Variants in NBEA observed in about 807,000 individuals in gnomAD.
NBEA encodes the protein lysosomal-trafficking regulator 2.
In NBEA, 44 loss-of-function variants were observed where a neutral mutation model predicts 343.4. That is an observed-to-expected ratio of 0.13 (90% CI 0.10 to 0.16). The LOEUF is 0.16. NBEA is among the 10% of genes least tolerant of loss of function. NBEA has a pLI of 1.00. For missense variants in NBEA, 2,555 were observed against 3,631.3 expected (o/e 0.70, Z 7.62); for synonymous variants, 1,175 against 1,238.7 (o/e 0.95, Z 1.08).
At chr13:35,014,750 G>C (rs1042388254) in intron 1 of NBEA, among the ~76,000 whole-genome samples, 4 of 151,880 alleles carry the variant, frequency 2.6e-5, no homozygotes, top group Non-Finnish European at 5.9e-5. Context: ...CAGACAAACA[G>C]GCCAATGTGG....
At chr13:35,547,767 T>C (rs1275265173) in intron 41 of NBEA, among the ~76,000 whole-genome samples, 4 of 152,074 alleles carry the variant, frequency 2.6e-5, no homozygotes, top group African/African-American at 9.7e-5. Flanking sequence ...CACGCATCTG[T>C]AATTCCAGCT....
intron 34 of NBEA, among the ~76,000 whole-genome samples, chr13:35,255,060 G>A (rs1031884972): frequency 2.0e-5 from 3 of 152,186 alleles, no homozygotes; most frequent in African/African-American, 7.2e-5. Context: ...TTGTTTCACA[G>A]TAATATTAGG....
chr13:35,119,411 G>C (rs1462464691), intron 16 of NBEA, among the ~76,000 whole-genome samples: 1 of 152,016 alleles, frequency 6.6e-6, no homozygotes, highest in Non-Finnish European at 1.5e-5. Context: ...TTATATCAAT[G>C]AATAACAACT....
In NBEA at chr13:35,159,179, TAGA is replaced by T; in HGVS notation, c.3012_3014del (p.Glu1004del). On this transcript the variant is annotated inframe_deletion, in exon 22 of 59. Coordinates refer to ENST00000379939, the MANE Select transcript of NBEA (RefSeq NM_001385012.1). ...AAAGGTGGAATGGAAATTCGAGAGA[TAGA>T]AGATCTTTCACAAAGCCAGAGCCCA... is the stretch of plus-strand genomic sequence containing the variant. The T allele has an allele frequency of 6.2e-7, 1 of 1,613,518 alleles. No individual in the cohort carries two copies. The highest frequency in any genetic ancestry group is 8.5e-7 in the Non-Finnish European group (1 of 1,179,616).
intron 34 of NBEA, among the ~76,000 whole-genome samples, chr13:35,265,793 G>C (rs759469481): frequency 2.0e-5 from 3 of 151,800 alleles, no homozygotes; most frequent in Non-Finnish European, 4.4e-5. Context: ...CATGACATTG[G>C]TCCAAGCAAG....
chr13:34,950,768 C>A (rs2059326116), intron 1 of NBEA, among the ~76,000 whole-genome samples: 1 of 151,896 alleles, frequency 6.6e-6, no homozygotes, highest in Non-Finnish European at 1.5e-5. Flanking sequence ...CATAAGGCAA[C>A]AGATAACATG....
chr13:35,534,598 GTGACCTC>G (rs1473221452), intron 41 of NBEA, among the ~76,000 whole-genome samples: 1 of 152,168 alleles, frequency 6.6e-6, no homozygotes, highest in African/African-American at 2.4e-5. Context: ...CTGTAGACAT[GTGACCTC>G]TGTACTTGGA....
intron 1 of NBEA, among the ~76,000 whole-genome samples, chr13:35,001,754 T>C (rs564719273): frequency 1.3e-5 from 2 of 152,204 alleles, no homozygotes; most frequent in South Asian, 4.1e-4. Context: ...AGGAGCACTG[T>C]AGGGTGACTA....
intron 36 of NBEA, among the ~76,000 whole-genome samples, chr13:35,311,717 G>A (rs561057098): frequency 1.3e-5 from 2 of 152,208 alleles, no homozygotes; most frequent in East Asian, 3.9e-4. Context: ...AGCCAGTTGT[G>A]GTGGCAGGTG....
At chr13:35,017,426 A>C (rs578144410) in intron 1 of NBEA, among the ~76,000 whole-genome samples, 9 of 152,138 alleles carry the variant, frequency 5.9e-5, no homozygotes, top group Non-Finnish European at 4.4e-5. Flanking sequence ...CTTTGTGTTC[A>C]TATAAGAAAT....
intron 17 of NBEA, among the ~76,000 whole-genome samples, chr13:35,135,280 T>A (rs1593462124): frequency 6.6e-6 from 1 of 152,158 alleles, no homozygotes; most frequent in Non-Finnish European, 1.5e-5. Flanking sequence ...AGATGTAGGT[T>A]AAAATCTGAA....
chr13:35,482,438 A>G (rs1026781238), intron 41 of NBEA, among the ~76,000 whole-genome samples: 2 of 151,562 alleles, frequency 1.3e-5, no homozygotes, highest in African/African-American at 4.8e-5. Flanking sequence ...GTACACCAAT[A>G]TGTACTATTT....
rs2153013060 is a variant in NBEA at position 35,550,950 on chromosome 13, C to T, written c.6724C>T (p.Pro2242Ser). ...ANRTSVMFNF[P>S]DQATVKKVVY... is the part of the protein sequence containing the mutation. ...CACAGCCTCAGTTATGTTTAATTTCCCTGATCAAGCAACAGTAAAAAAAGT... is the reference window on the plus strand; with the variant it reads ...CACAGCCTCAGTTATGTTTAATTTCTCTGATCAAGCAACAGTAAAAAAAGT... Residue 2242 changes from proline (P) to serine (S), a missense_variant, in exon 43 of 59, where the codon CCT becomes TCT. Coordinates refer to ENST00000379939, the MANE Select transcript of NBEA (RefSeq NM_001385012.1). The T allele has an allele frequency of 1.2e-6, 2 of 1,607,768 alleles. No homozygotes were observed. The highest frequency in any genetic ancestry group is 1.7e-6 in the Non-Finnish European group (2 of 1,175,432).
At chr13:34,995,626 A>G (rs973194918) in intron 1 of NBEA, among the ~76,000 whole-genome samples, 25 of 152,260 alleles carry the variant, frequency 1.6e-4, no homozygotes, top group Non-Finnish European at 3.1e-4. Flanking sequence ...AAAAAAAACA[A>G]CTTAATTGGT....
chr13:35,085,623 A>G (rs1327842484), intron 10 of NBEA, among the ~76,000 whole-genome samples: 1 of 152,160 alleles, frequency 6.6e-6, no homozygotes, highest in East Asian at 1.9e-4. Context: ...CACAGCCAAT[A>G]TCATACTGAA....
chr13:35,483,649 G>C (rs2076202564), intron 41 of NBEA, among the ~76,000 whole-genome samples: 1 of 151,886 alleles, frequency 6.6e-6, no homozygotes, highest in Non-Finnish European at 1.5e-5. Context: ...AGTACAACTA[G>C]TCTTTTATTT....
At chr13:35,421,205 T>G (rs2044250936) in intron 38 of NBEA, among the ~76,000 whole-genome samples, 1 of 152,060 alleles carries the variant, frequency 6.6e-6, no homozygotes, top group Admixed American at 6.6e-5. Flanking sequence ...CAGTTCTGTA[T>G]TCTTTTGGTT....
intron 1 of NBEA, among the ~76,000 whole-genome samples, chr13:35,033,715 T>G (rs951360093): frequency 1.3e-5 from 2 of 151,930 alleles, no homozygotes; most frequent in African/African-American, 4.8e-5. Flanking sequence ...ATAGAGATCT[T>G]TCACTTCTTG....
intron 24 of NBEA, among the ~76,000 whole-genome samples, chr13:35,166,078 A>G (rs998437400): frequency 6.6e-6 from 1 of 152,142 alleles, no homozygotes; most frequent in Non-Finnish European, 1.5e-5. Flanking sequence ...TTTGTTTTAT[A>G]AATTATCATT....
Sources: allele counts gnomAD v4.1 joint callset (sites outside exome capture counted in the v4.1 genomes callset), GRCh38; gene constraint gnomAD v4.1.1; transcripts MANE v1.5; gene names NCBI Gene and HGNC (gene_info 2026-07-23, HGNC 2026-07-21).